Variants in RIOK3 observed in about 807,000 individuals in gnomAD.
RIOK3 encodes the protein serine/threonine-protein kinase RIO3.
A neutral mutation model predicts 63.5 loss-of-function variants in RIOK3; 40 were observed. The ratio of observed to expected loss-of-function variants is 0.63; its 90% CI spans 0.49 to 0.82. RIOK3 has a LOEUF of 0.82. Among genes scored for constraint, RIOK3 ranks in the 40% least tolerant of loss-of-function variants. The pLI is 0.00. For missense variants in RIOK3, 557 were observed against 637.0 expected (o/e 0.87, Z 1.35); for synonymous variants, 193 against 205.0 (o/e 0.94, Z 0.50).
At chr18:23,465,463 G>A (rs1321136505) in intron 5 of RIOK3, among the ~76,000 whole-genome samples, 1 of 152,136 alleles carries the variant, frequency 6.6e-6, no homozygotes, top group Non-Finnish European at 1.5e-5. Flanking sequence ...AAGCACAAAT[G>A]CTTGTTAAGT....
At chr18:23,472,810 G>C (rs1056883536) in intron 7 of RIOK3, among the ~76,000 whole-genome samples, 2 of 152,234 alleles carry the variant, frequency 1.3e-5, no homozygotes, top group African/African-American at 2.4e-5. Context: ...TATAGTGTTT[G>C]TTGTTCCTCA....
intron 1 of RIOK3, among the ~76,000 whole-genome samples, chr18:23,459,672 A>G (rs2057361887): frequency 1.3e-5 from 2 of 152,104 alleles, no homozygotes; most frequent in Non-Finnish European, 2.9e-5. Context: ...AAAGTATGCC[A>G]TCTTTTTTGT....
At chr18:23,467,236 C>G (rs1257499331) in intron 6 of RIOK3, among the ~76,000 whole-genome samples, 163 bp from the exon 7 acceptor site, 1 of 152,018 alleles carries the variant, frequency 6.6e-6, no homozygotes, top group East Asian at 1.9e-4. Flanking sequence ...ATCACTTGAA[C>G]CTGGGAGGTG....
In RIOK3 at chr18:23,474,944, A is replaced by T. The variant is rs1224861847; in HGVS notation, c.1014-4A>T. 1.9e-6 allele frequency: 3 copies of T among 1,598,638 alleles called. No individual in the cohort carries two copies. ...TATATTCTGAATCATTTCTTTATGT[A>T]TAGAATGCAGAGAGCTGGAATTCCT... On this transcript the variant is annotated splice_polypyrimidine_tract_variant and splice_region_variant and intron_variant, in intron 8 of 12. Coordinates refer to ENST00000339486, the MANE Select transcript of RIOK3 (RefSeq NM_003831.5).
intron 8 of RIOK3, 112 bp from the exon 9 acceptor site, chr18:23,474,836 G>C: frequency 1.3e-6 from 1 of 753,498 alleles, no homozygotes; most frequent in Non-Finnish European, 2.2e-6. Context: ...CACATCACCA[G>C]GGTAGAACAT....
intron 11 of RIOK3, among the ~76,000 whole-genome samples, chr18:23,477,724 CT>C (rs1201389283): frequency 6.8e-6 from 1 of 147,166 alleles, no homozygotes; most frequent in Admixed American, 6.9e-5. Flanking sequence ...GAACGTGCTA[CT>C]GCACTCCACC....
At chr18:23,469,370 CCTCCCTCCCCTCCCTCCCCTCTCT>C (rs1258069158) in intron 7 of RIOK3, among the ~76,000 whole-genome samples, 4 of 4,558 alleles carry the variant, frequency 8.8e-4, no homozygotes, top group Non-Finnish European at 1.7e-3. Context: ...TCCCTCCCTC[CCTCCCTCCCCTCCCTCCCCTCTCT>C]CCTCTCTCCC....
chr18:23,475,205 C>G, intron 9 of RIOK3, 98 bp downstream of exon 9: 1 of 930,822 alleles, frequency 1.1e-6, no homozygotes, highest in Non-Finnish European at 1.6e-6. Flanking sequence ...CATGTTGGCT[C>G]ACACTTGTAA....
intron 11 of RIOK3, among the ~76,000 whole-genome samples, chr18:23,478,339 G>A (rs1361860303): frequency 1.3e-5 from 2 of 151,936 alleles, no homozygotes; most frequent in Non-Finnish European, 2.9e-5. Context: ...AAGCCAGGGA[G>A]GGAGGATTGC....
intron 8 of RIOK3, 70 bp from the exon 9 acceptor site, chr18:23,474,878 A>G (rs2057478821): frequency 1.7e-6 from 2 of 1,200,920 alleles, no homozygotes; most frequent in Non-Finnish European, 2.4e-6. Context: ...CTGATTAGAT[A>G]TTTATTGAAT....
intron 9 of RIOK3, 23 bp downstream of exon 9, chr18:23,475,130 T>C (rs1306507294): frequency 5.1e-6 from 8 of 1,556,190 alleles, no homozygotes; most frequent in Non-Finnish European, 7.0e-6. Context: ...TTTAAAAGAA[T>C]TCACACACTA....
intron 1 of RIOK3, among the ~76,000 whole-genome samples, chr18:23,456,141 A>T (rs8084624): frequency 0.18 from 27,727 of 151,466 alleles, 3,567 homozygotes; most frequent in East Asian, 0.34. Context: ...CATGTTGCCT[A>T]GGCTGGTCTT....
intron 5 of RIOK3, 50 bp downstream of exon 5, chr18:23,464,678 C>T: frequency 2.8e-6 from 3 of 1,090,632 alleles, no homozygotes; most frequent in Non-Finnish European, 4.0e-6. Context: ...TGTTTGAATA[C>T]CTTTCAAAAA....
In RIOK3 at chr18:23,473,432, G is replaced by T; in HGVS notation, c.819G>T (p.Met273Ile). ...SVVFHAYGGSMEDEKEDSKVI... is the reference protein window; with the variant it reads ...SVVFHAYGGSIEDEKEDSKVI... ...TGATTTTTTTTCTTCCACTTAGCAT[G>T]GAGGATGAAAAGGAAGATAGTAAAG... Residue 273 changes from methionine (M) to isoleucine (I), a missense_variant, in exon 8 of 13, where the codon ATG (methionine) becomes ATT (isoleucine). Coordinates refer to ENST00000339486, the MANE Select transcript of RIOK3 (RefSeq NM_003831.5). The T allele has an allele frequency of 6.2e-7, 1 of 1,601,342 alleles. No individual in the cohort carries two copies. The highest frequency in any genetic ancestry group is 8.5e-7 in the Non-Finnish European group (1 of 1,172,682).
At chr18:23,461,899 A>T (rs1214145434) in intron 1 of RIOK3, among the ~76,000 whole-genome samples, 1 of 151,734 alleles carries the variant, frequency 6.6e-6, no homozygotes, top group African/African-American at 2.4e-5. Flanking sequence ...AGACCAGCCT[A>T]GACAACTTGG....
intron 7 of RIOK3, among the ~76,000 whole-genome samples, chr18:23,472,912 A>G (rs1005708934): frequency 2.0e-5 from 3 of 152,236 alleles, no homozygotes; most frequent in African/African-American, 7.2e-5. Flanking sequence ...CACTTGTGCC[A>G]TGAAGTCTTG....
intron 1 of RIOK3, among the ~76,000 whole-genome samples, chr18:23,460,011 G>A (rs1030771765): frequency 6.6e-6 from 1 of 152,180 alleles, no homozygotes; most frequent in African/African-American, 2.4e-5. Context: ...GCCATCTTTG[G>A]CATATAATTA....
chr18:23,469,552 A>G (rs146105633), intron 7 of RIOK3, among the ~76,000 whole-genome samples: 1,489 of 147,654 alleles, frequency 0.01, 19 homozygotes, highest in African/African-American at 0.036. Flanking sequence ...CAATGGCGCA[A>G]TCTTGGCTCA....
intron 5 of RIOK3, 94 bp from the exon 6 acceptor site, chr18:23,466,039 A>G (rs1325821267): frequency 1.1e-6 from 1 of 913,562 alleles, no homozygotes; most frequent in East Asian, 2.7e-5. Context: ...TCATCTATTG[A>G]GTAAGAAAGA....
Sources: gnomAD v4.1 joint callset for allele counts (sites outside exome capture counted in the v4.1 genomes callset) on GRCh38, gnomAD v4.1.1 for gene constraint, MANE v1.5 for transcripts, NCBI Gene and HGNC (gene_info 2026-07-23, HGNC 2026-07-21) for gene names.